The following NOM1 variants were observed in gnomAD, a reference collection of about 807,000 sequenced individuals.
NOM1 encodes nucleolar MIF4G domain-containing protein 1.
In NOM1, 58 loss-of-function variants were observed where a neutral mutation model predicts 73.3. That is an observed-to-expected ratio of 0.79 (90% CI 0.64 to 0.99). The LOEUF is 0.99. Among genes scored for constraint, NOM1 ranks in the 50% least tolerant of loss-of-function variants. The pLI, the probability that NOM1 is intolerant of heterozygous loss-of-function variation, is 0.00. For synonymous variants in NOM1, 487 were observed against 446.8 expected (o/e 1.09, Z -1.14); for missense variants, 1,226 against 1,131.9 (o/e 1.08, Z -1.19).
chr7:156,962,080 C>T (rs914231838), intron 4 of NOM1, 71 bp from the exon 5 acceptor site: 2 of 1,292,056 alleles, frequency 1.5e-6, no homozygotes, highest in African/African-American at 2.9e-5. Flanking sequence ...TGGTAGATTT[C>T]TTGCCAACTT....
At position 156,970,394 on chromosome 7, in the gene NOM1, A is replaced by C. The variant is rs187314588; in HGVS notation, c.*691A>C. 2.0e-5 allele frequency: 3 copies of C among 152,190 alleles called. No individual in the cohort carries two copies. Among genetic ancestry groups the C allele is most frequent in the Admixed American group, 2.0e-4 (3 of 15,276 alleles). 9.4% of individuals were successfully genotyped at this position (152,190 alleles called of 1,614,324 possible). On this transcript the variant is annotated 3_prime_UTR_variant, in exon 11 of 11. Coordinates refer to ENST00000275820, the MANE Select transcript of NOM1 (RefSeq NM_138400.2). ...TTTTAAAATATTGGTTAGAAGTTCA[A>C]AAACCATCCCTTAAAGGTGATTGTT...
rs752497137 is a variant in NOM1 at position 156,966,416 on chromosome 7, G to A, written c.2166+14G>A. The A allele has an allele frequency of 6.2e-7, 1 of 1,613,898 alleles. No homozygotes were observed. Among genetic ancestry groups the A allele is most frequent in the Non-Finnish European group, 8.5e-7 (1 of 1,180,008 alleles). On this transcript the variant is annotated intron_variant, in intron 8 of 10. Coordinates refer to ENST00000275820, the MANE Select transcript of NOM1 (RefSeq NM_138400.2). Reference sequence around the variant, plus strand: ...AGGAGATTTCAGGTAGCTTAGTGCGGAGGCACCAGTTACGTCCGCTCTACT... The same window carrying A: ...AGGAGATTTCAGGTAGCTTAGTGCGAAGGCACCAGTTACGTCCGCTCTACT...
intron 2 of NOM1, 116 bp from the exon 3 acceptor site, chr7:156,953,987 G>T: frequency 1.3e-6 from 1 of 793,312 alleles, no homozygotes; most frequent in Non-Finnish European, 2.0e-6. Flanking sequence ...GGGGTCAAAA[G>T]TGTACATAAA....
rs186610955 is a variant in NOM1 at position 156,963,019 on chromosome 7, C to G, written c.1755C>G (p.Ala585=). The G allele has an allele frequency of 6.2e-7, 1 of 1,612,120 alleles. No individual in the cohort carries two copies. Among genetic ancestry groups the G allele is most frequent in the Non-Finnish European group, 8.5e-7 (1 of 1,178,292 alleles). Residue 585 remains alanine, a synonymous_variant, in exon 6 of 11, where the codon GCC becomes GCG. Coordinates refer to ENST00000275820, the MANE Select transcript of NOM1 (RefSeq NM_138400.2). ...RKLQRALVRN[A]GSGSETQLRV... is the part of the protein sequence containing the mutation. ...TCTCTCTTCATCAGGTCCGCAACGC[C>G]GGCTCAGGTTCTGAGACGCAGCTTC...
At position 156,949,885 on chromosome 7, in the gene NOM1, G is replaced by C; in HGVS notation, c.148G>C (p.Glu50Gln). 6.5e-7 allele frequency: 1 copy of C among 1,535,504 alleles called. No homozygotes were observed. Among genetic ancestry groups the C allele is most frequent in the Non-Finnish European group, 8.8e-7 (1 of 1,141,250 alleles). ...KALKRLKLAV[E>Q]EFVHATSEGE... ...CCTGAAGAGGCTGAAGCTAGCGGTG[G>C]AGGAGTTCGTGCACGCGACTTCGGA... Residue 50 changes from glutamate to glutamine, a missense_variant, in exon 1 of 11, where the codon GAG (glutamate) becomes CAG (glutamine). Transcript: ENST00000275820.
At position 156,949,766 on chromosome 7, in the gene NOM1, C is replaced by T; in HGVS notation, c.29C>T (p.Ala10Val). Residue 10 changes from alanine (A) to valine (V), a missense_variant, in exon 1 of 11, where the codon GCC (alanine) becomes GTC (valine). Ala to Val is a moderately conservative substitution (Grantham distance 64, BLOSUM62 0). Transcript: ENST00000275820. ...GCGGCGTCCAGGAGCGCGGGAGAGG[C>T]CGGCCCGGGCGGCTCCCAGGGACGC... MAASRSAGEAGPGGSQGRVV... is the reference protein window; with the variant it reads MAASRSAGEVGPGGSQGRVV... 3 of 1,401,060 alleles carry T rather than the reference C, an allele frequency of 2.1e-6. No homozygotes were observed. The highest frequency in any genetic ancestry group is 2.8e-6 in the Non-Finnish European group (3 of 1,083,262). 86.8% of individuals were successfully genotyped at this position (1,401,060 alleles called of 1,614,324 possible).
In NOM1 at chr7:156,969,605, G is replaced by T. The variant is rs1463977521; in HGVS notation, c.2485G>T (p.Ala829Ser). 1 of 1,614,010 alleles carries T rather than the reference G, an allele frequency of 6.2e-7. No individual in the cohort carries two copies. Among genetic ancestry groups the T allele is most frequent in the Non-Finnish European group, 8.5e-7 (1 of 1,179,968 alleles). ...CATCAGCCACTTCTTGCTAAAGAAC[G>T]CACAGGCCCACAGAAGCGCCGACGA... ...LFISHFLLKN[A>S]QAHRSADEAN... Residue 829 changes from alanine (A) to serine (S), a missense_variant, in exon 11 of 11, where the codon GCA becomes TCA. Physicochemically the swap from Ala to Ser is moderately conservative, Grantham distance 99 (BLOSUM62 1). Coordinates refer to ENST00000275820, the MANE Select transcript of NOM1 (RefSeq NM_138400.2).
intron 7 of NOM1, among the ~76,000 whole-genome samples, chr7:156,965,440 G>C (rs547104577): frequency 1.3e-5 from 2 of 152,368 alleles, no homozygotes; most frequent in Non-Finnish European, 2.9e-5. Flanking sequence ...GTCAAAACTA[G>C]AGGGACAGAA....
At chr7:156,956,876 G>A (rs1468870825) in intron 3 of NOM1, among the ~76,000 whole-genome samples, 1 of 152,156 alleles carries the variant, frequency 6.6e-6, no homozygotes, top group Non-Finnish European at 1.5e-5. Flanking sequence ...GGGCCATTCT[G>A]TGACTTTCTT....
At chr7:156,969,295 G>A (rs1805082070) in intron 10 of NOM1, 99 bp downstream of exon 10, 1 of 805,410 alleles carries the variant, frequency 1.2e-6, no homozygotes, top group Admixed American at 2.5e-5. Context: ...TATACGTGTA[G>A]CTTAATCTTT....
chr7:156,962,447 G>A lies in NOM1; in HGVS notation c.1743+186G>A, dbSNP rs1021865825. Among the ~76,000 whole-genome samples, 5 of 152,196 alleles carry A rather than the reference G, an allele frequency of 3.3e-5. No homozygotes were observed. In the South Asian group the frequency reaches 6.2e-4, roughly 19 times the overall value. ...CTGTCCCAGTGGTCTGGGCGTGCTCGTGCAGAATGTCCGTGTGTGGGGAAG... is the reference window on the plus strand; with the variant it reads ...CTGTCCCAGTGGTCTGGGCGTGCTCATGCAGAATGTCCGTGTGTGGGGAAG... On this transcript the variant is annotated intron_variant, in intron 5 of 10. Transcript: ENST00000275820.
chr7:156,966,348 T>C lies in NOM1; in HGVS notation c.2112T>C (p.Asn704=). ...MDCCLQEKTY[N]PFYAFLASKF... is the part of the protein sequence containing the mutation. ...GCTGCCTTCAAGAGAAAACTTACAA[T>C]CCCTTCTATGCTTTCCTGGCTAGCA... The change falls in exon 8 of 11, where the codon AAT becomes AAC. Residue 704 remains asparagine (N), a synonymous_variant. Transcript: ENST00000275820. 1 of 1,614,236 alleles carries C rather than the reference T, an allele frequency of 6.2e-7. No homozygotes were observed. Among genetic ancestry groups the C allele is most frequent in the South Asian group, 1.1e-5 (1 of 91,086 alleles).
Position 156,966,148 on chromosome 7 carries a change from T to A in NOM1, c.2034-122T>A. 3 of 1,237,942 alleles carry A rather than the reference T, an allele frequency of 2.4e-6. No individual in the cohort carries two copies. In the Admixed American group the frequency reaches 6.3e-5, roughly 26 times the overall value. The allele number at this position is 1,237,942 out of a possible 1,614,324, so 76.7% of individuals were successfully genotyped here. Reference sequence around the variant, plus strand: ...GCTGGTGTCTGCCGCTGCCTCCACCTCCTTTACGTGGCTCGCCTCTAACCA... The same window carrying A: ...GCTGGTGTCTGCCGCTGCCTCCACCACCTTTACGTGGCTCGCCTCTAACCA... On this transcript the variant is annotated intron_variant, in intron 7 of 10. Coordinates refer to ENST00000275820, the MANE Select transcript of NOM1 (RefSeq NM_138400.2).
intron 7 of NOM1, among the ~76,000 whole-genome samples, chr7:156,965,281 A>G (rs556551116): frequency 9.2e-4 from 140 of 152,352 alleles, no homozygotes; most frequent in African/African-American, 3.3e-3. Context: ...AGTTGGGGAA[A>G]GGATAAACCA....
intron 3 of NOM1, among the ~76,000 whole-genome samples, chr7:156,954,555 C>T (rs28687027): frequency 0.68 from 84,493 of 124,962 alleles, 26,153 homozygotes; most frequent in Middle Eastern, 0.76. Context: ...GACAGGGTCT[C>T]GCTCTGTCGT....
chr7:156,954,510 G>C (rs550936234), intron 3 of NOM1, among the ~76,000 whole-genome samples: 11 of 114,060 alleles, frequency 9.6e-5, no homozygotes, highest in Admixed American at 9.3e-4. Flanking sequence ...TTGCTTTTTT[G>C]TTCTGTCCAT....
intron 3 of NOM1, among the ~76,000 whole-genome samples, chr7:156,957,930 A>G (rs1804768486): frequency 1.3e-5 from 2 of 152,208 alleles, no homozygotes; most frequent in Non-Finnish European, 2.9e-5. Context: ...CTTCCAGTTT[A>G]TCTTCATTGA....
chr7:156,959,975 T>C lies in NOM1; in HGVS notation c.1433T>C (p.Val478Ala), dbSNP rs145961972. ...GCCCATTTATACAACTTCCACGTGG[T>C]ACAGTCTCTCCTCATCTTCGACATT... ...VIAHLYNFHV[V>A]QSLLIFDILK... Residue 478 changes from valine to alanine, a missense_variant, in exon 4 of 11, where the codon GTA (valine) becomes GCA (alanine). Coordinates refer to ENST00000275820, the MANE Select transcript of NOM1 (RefSeq NM_138400.2). 49 of 1,613,950 alleles carry C rather than the reference T, an allele frequency of 3.0e-5. No homozygotes were observed. In the African/African-American group the frequency reaches 6.5e-4, roughly 22 times the overall value.
chr7:156,950,272 A>T lies in NOM1; in HGVS notation c.535A>T (p.Asn179Tyr). 1 of 1,613,968 alleles carries T rather than the reference A, an allele frequency of 6.2e-7. No individual in the cohort carries two copies. The highest frequency in any genetic ancestry group is 1.1e-5 in the South Asian group (1 of 91,084). ...CCGGAAACGGGCGCTTTTAGCGGCG[A>T]ACGAGGAGGAGGACCGAGAGATCCG... ...AARKRALLAA[N>Y]EEEDREIRKL... Residue 179 changes from asparagine (N) to tyrosine (Y), a missense_variant, in exon 1 of 11, where the codon AAC becomes TAC. Asn to Tyr is a moderately radical substitution (Grantham distance 143). Coordinates refer to ENST00000275820, the MANE Select transcript of NOM1 (RefSeq NM_138400.2).
Sources: allele counts gnomAD v4.1 joint callset (sites outside exome capture counted in the v4.1 genomes callset), GRCh38; gene constraint gnomAD v4.1.1; transcripts MANE v1.5; gene names NCBI Gene and HGNC (gene_info 2026-07-23, HGNC 2026-07-21).